The following PLCB1 variants were observed in gnomAD, a reference collection of about 807,000 sequenced individuals.
The protein encoded by PLCB1 is phospholipase C beta 1.
In PLCB1, 46 loss-of-function variants were observed where a neutral mutation model predicts 161.8. The observed-to-expected ratio is 0.28, with a 90% CI of 0.22 to 0.36. The LOEUF is 0.36. PLCB1 is among the 10% of genes least tolerant of loss of function. The pLI, the probability that PLCB1 is intolerant of heterozygous loss-of-function variation, is 1.00. For missense variants in PLCB1, 1,016 were observed against 1,472.5 expected, an observed-to-expected ratio of 0.69 and a Z score of 5.07; for synonymous variants, 517 against 503.7, an observed-to-expected ratio of 1.03 and a Z score of -0.35.
intron 3 of PLCB1, among the ~76,000 whole-genome samples, chr20:8,373,432 A>C (rs924194614): frequency 5.9e-5 from 9 of 152,290 alleles, no homozygotes; most frequent in Admixed American, 5.2e-4. Context: ...GATTAAATGA[A>C]ATAATTCATT....
At position 8,716,112 on chromosome 20, in the gene PLCB1, G is replaced by C. The variant is rs944107277; in HGVS notation, c.1251-152G>C. 5.7e-5 allele frequency: 36 copies of C among 631,176 alleles called. No individual in the cohort carries two copies. The Admixed American group carries it at 9.2e-4, about 16-fold the overall frequency. 39.1% of individuals were successfully genotyped at this position (631,176 alleles called of 1,614,324 possible). On this transcript the variant is annotated intron_variant, in intron 12 of 31. Transcript: ENST00000338037. ...GTGTATGTTATTCAAATTCACATAA[G>C]TTAAGATAAAGATCCAGGATGATAA...
intron 2 of PLCB1, among the ~76,000 whole-genome samples, chr20:8,198,532 A>T (rs6077324): frequency 1.3e-5 from 2 of 152,254 alleles, no homozygotes; most frequent in African/African-American, 4.8e-5. Context: ...TGCTAGGAAG[A>T]GAGAACAGAT....
chr20:8,507,873 G>A (rs1029397662), intron 3 of PLCB1, among the ~76,000 whole-genome samples: 1 of 152,166 alleles, frequency 6.6e-6, no homozygotes, highest in Non-Finnish European at 1.5e-5. Flanking sequence ...TCTGTATTGA[G>A]TTTTGGAAGT....
In PLCB1 at chr20:8,628,355, T is replaced by C; in HGVS notation, c.308T>C (p.Ile103Thr). 1 of 1,614,134 alleles carries C rather than the reference T, an allele frequency of 6.2e-7. No individual in the cohort carries two copies. Among genetic ancestry groups the C allele is most frequent in the Non-Finnish European group, 8.5e-7 (1 of 1,179,988 alleles). Residue 103 changes from isoleucine (I) to threonine (T), a missense_variant, in exon 4 of 32, where the codon ATC becomes ACC. Physicochemically the swap from Ile to Thr is moderately conservative, Grantham distance 89 (BLOSUM62 -1). Transcript: ENST00000338037. Reference sequence around the variant, plus strand: ...ATCGGGCGCCTGGAGCAGCGCATGATCACAGTGGTGTATGGGCCTGACCTC... The same window carrying C: ...ATCGGGCGCCTGGAGCAGCGCATGACCACAGTGGTGTATGGGCCTGACCTC... ...GNIGRLEQRM[I>T]TVVYGPDLVN...
intron 2 of PLCB1, chr20:8,305,998 T>A (rs1984118032): frequency 6.6e-6 from 1 of 152,196 alleles, no homozygotes; most frequent in Non-Finnish European, 1.5e-5. Context: ...TGGGCTAGGA[T>A]GCCTCCAGAA....
chr20:8,681,716 G>A (rs1990226556), intron 9 of PLCB1, among the ~76,000 whole-genome samples: 1 of 152,128 alleles, frequency 6.6e-6, no homozygotes, highest in Admixed American at 6.5e-5. Flanking sequence ...TTAAGGAATT[G>A]TTATAGTTAG....
intron 2 of PLCB1, among the ~76,000 whole-genome samples, chr20:8,226,971 G>A (rs145275755): frequency 0.012 from 1,872 of 152,230 alleles, 39 homozygotes; most frequent in African/African-American, 0.042. Flanking sequence ...ACAGGCATGA[G>A]CCACCGCGCC....
chr20:8,770,175 A>G (rs1982599123), intron 26 of PLCB1, among the ~76,000 whole-genome samples: 1 of 151,900 alleles, frequency 6.6e-6, no homozygotes, highest in African/African-American at 2.4e-5. Context: ...GATGGCCTCG[A>G]TCTCCTGACC....
At position 8,183,542 on chromosome 20, in the gene PLCB1, A is replaced by G. The variant is rs377027268; in HGVS notation, c.177+33171A>G. ...CACAGTGTTAAAATAACTTAGGCAT[A>G]TTTTGATACCCCTTGATATGTTTAT... On this transcript the variant is annotated intron_variant, in intron 2 of 31. Coordinates refer to ENST00000338037, the MANE Select transcript of PLCB1 (RefSeq NM_015192.4). Among the ~76,000 whole-genome samples the G allele has an allele frequency of 2.0e-5, 3 of 152,374 alleles. No homozygotes were observed. The East Asian group carries it at 5.8e-4, about 29-fold the overall frequency.
At chr20:8,438,342 T>G (rs1368933105) in intron 3 of PLCB1, among the ~76,000 whole-genome samples, 1 of 152,186 alleles carries the variant, frequency 6.6e-6, no homozygotes, top group Non-Finnish European at 1.5e-5. Context: ...AATATACTTT[T>G]TATAACTGTA....
chr20:8,328,013 A>T (rs960113196), intron 2 of PLCB1, among the ~76,000 whole-genome samples: 4 of 152,148 alleles, frequency 2.6e-5, no homozygotes, highest in African/African-American at 9.6e-5. Context: ...CAGGTTGAGT[A>T]TTCTTTATCT....
chr20:8,311,377 A>T (rs931045571), intron 2 of PLCB1, among the ~76,000 whole-genome samples: 2 of 152,234 alleles, frequency 1.3e-5, no homozygotes, highest in African/African-American at 2.4e-5. Context: ...TCAAATACTT[A>T]TGTGAATCTC....
At chr20:8,805,212 G>A (rs946175333) in intron 31 of PLCB1, among the ~76,000 whole-genome samples, 3 of 152,060 alleles carry the variant, frequency 2.0e-5, no homozygotes, top group African/African-American at 7.2e-5. Context: ...ACCTTAATAG[G>A]TGAAGCTAAG....
rs1057186925 is a variant in PLCB1, at chr20:8,759,887, T to C, written c.2657-520T>C. On this transcript the variant is annotated intron_variant, in intron 24 of 31. Transcript: ENST00000338037. ...TTTCTCTCGTTATAAATGGGGCATA[T>C]AATATCACATTTTTTTTTTTTTTTT... Among the ~76,000 whole-genome samples, 4 of 143,946 alleles carry C rather than the reference T, an allele frequency of 2.8e-5. No individual in the cohort carries two copies. The South Asian group carries it at 8.5e-4, about 31-fold the overall frequency. 94.4% of individuals were successfully genotyped at this position (143,946 alleles called of 152,430 possible). A position where few individuals can be genotyped will look rare whatever the true frequency, so the allele number is the denominator to read the frequency against.
intron 9 of PLCB1, among the ~76,000 whole-genome samples, chr20:8,682,841 T>G (rs995740598): frequency 6.6e-6 from 1 of 152,170 alleles, no homozygotes; most frequent in Non-Finnish European, 1.5e-5. Flanking sequence ...ATTAAAATCC[T>G]CAAAAGTATG....
rs188742514 is a variant in PLCB1, at chr20:8,761,796, G to A, written c.2710+1336G>A. Reference sequence around the variant, plus strand: ...TTTAGTAGAGACGGTGATTCGCCACGTTGGCCAGGCTGGTCTCGAACTCCT... The same window carrying A: ...TTTAGTAGAGACGGTGATTCGCCACATTGGCCAGGCTGGTCTCGAACTCCT... On this transcript the variant is annotated intron_variant, in intron 25 of 31. Coordinates refer to ENST00000338037, the MANE Select transcript of PLCB1 (RefSeq NM_015192.4). Among the ~76,000 whole-genome samples the A allele has an allele frequency of 3.0e-3, 449 of 152,056 alleles. 2 individuals carry two copies. Among genetic ancestry groups the A allele is most frequent in the Non-Finnish European group, 2.5e-3 (169 of 67,954 alleles).
At chr20:8,789,447 A>C (rs564304402) in intron 29 of PLCB1, 71 bp from the exon 30 acceptor site, 2 of 945,112 alleles carry the variant, frequency 2.1e-6, no homozygotes, top group Non-Finnish European at 3.5e-6. Context: ...CCTTTTATCT[A>C]GAAGTCTGAG....
intron 2 of PLCB1, among the ~76,000 whole-genome samples, chr20:8,194,266 T>C (rs2052000523): frequency 6.6e-6 from 1 of 151,978 alleles, no homozygotes; most frequent in Non-Finnish European, 1.5e-5. Flanking sequence ...TTACTTCAAA[T>C]CCAGTTCCAC....
At chr20:8,842,436 G>A (rs1986538882) in intron 31 of PLCB1, among the ~76,000 whole-genome samples, 1 of 152,124 alleles carries the variant, frequency 6.6e-6, no homozygotes, top group African/African-American at 2.4e-5. Flanking sequence ...ATCTTCTACT[G>A]AAGTGTTTTG....
Sources: allele counts gnomAD v4.1 joint callset (sites outside exome capture counted in the v4.1 genomes callset), GRCh38; gene constraint gnomAD v4.1.1; transcripts MANE v1.5; gene names NCBI Gene and HGNC (gene_info 2026-07-23, HGNC 2026-07-21).